The following MAGI2 variants were observed in gnomAD, a reference collection of about 807,000 sequenced individuals.
MAGI2 encodes the protein membrane-associated guanylate kinase, WW and PDZ domain-containing protein 2.
MAGI2 carries 35 observed loss-of-function variants against 133.3 expected under a neutral mutation model. The ratio of observed to expected loss-of-function variants is 0.26; its 90% CI spans 0.20 to 0.35. The LOEUF is 0.35. Among genes scored for constraint, MAGI2 ranks in the 10% least tolerant of loss-of-function variants. The pLI is 1.00. For synonymous variants in MAGI2, 729 were observed against 710.6 expected, an observed-to-expected ratio of 1.03 and a Z score of -0.41; for missense variants, 1,636 against 1,863.4, an observed-to-expected ratio of 0.88 and a Z score of 2.25.
chr7:78,146,171 G>T (rs1413813594), intron 16 of MAGI2, among the ~76,000 whole-genome samples: 3 of 151,536 alleles, frequency 2.0e-5, no homozygotes, highest in Non-Finnish European at 4.4e-5. Context: ...AGTATTTTAG[G>T]TTCTGGGCCT....
intron 4 of MAGI2, among the ~76,000 whole-genome samples, chr7:78,513,883 G>T (rs1482906602): frequency 6.6e-6 from 1 of 152,058 alleles, no homozygotes; most frequent in Non-Finnish European, 1.5e-5. Flanking sequence ...GAGGTCAGGA[G>T]TTGGAGACCA....
intron 6 of MAGI2, among the ~76,000 whole-genome samples, chr7:78,415,982 G>A (rs1031912023): frequency 2.0e-5 from 3 of 152,096 alleles, no homozygotes; most frequent in African/African-American, 7.2e-5. Flanking sequence ...GGTGGAAGTG[G>A]GTGGGGTGAC....
At chr7:78,350,734 T>C (rs1460080114) in intron 7 of MAGI2, among the ~76,000 whole-genome samples, 2 of 152,106 alleles carry the variant, frequency 1.3e-5, no homozygotes, top group African/African-American at 2.4e-5. Context: ...TTTTCTTCAT[T>C]GTGGAGAGGA....
chr7:78,853,751 C>T (rs567093749), intron 2 of MAGI2, among the ~76,000 whole-genome samples: 1 of 151,934 alleles, frequency 6.6e-6, no homozygotes, highest in Non-Finnish European at 1.5e-5. Flanking sequence ...TTACATTAGT[C>T]GTCTGTGCAG....
chr7:78,449,921 C>A (rs1788542725), intron 6 of MAGI2, among the ~76,000 whole-genome samples: 1 of 152,068 alleles, frequency 6.6e-6, no homozygotes, highest in Non-Finnish European at 1.5e-5. Flanking sequence ...TCCCTCATAG[C>A]ATATTTTACA....
At chr7:79,008,293 T>C (rs917189770) in intron 1 of MAGI2, among the ~76,000 whole-genome samples, 13 of 152,130 alleles carry the variant, frequency 8.5e-5, no homozygotes, top group Admixed American at 7.2e-4. Context: ...TGCACTACCA[T>C]GATCACACAA....
At chr7:78,741,379 ACACAC>A (rs1822407218) in intron 2 of MAGI2, among the ~76,000 whole-genome samples, 1 of 1,256 alleles carries the variant, frequency 8.0e-4, no homozygotes, top group South Asian at 0.036. Context: ...AAGTTGAAAC[ACACAC>A]ACACACACAC....
rs1361359818 is a variant in MAGI2 at position 79,324,487 on chromosome 7, TATATATACATATATACAC to T, written c.301+128515_301+128532del. Among the ~76,000 whole-genome samples the T allele has an allele frequency of 7.9e-5, 4 of 50,694 alleles. 2 individuals carry two copies. The highest frequency in any genetic ancestry group is 4.4e-4 in the African/African-American group (4 of 9,074). The allele number at this position is 50,694 out of a possible 152,430, so 33.3% of individuals were successfully genotyped here. On this transcript the variant is annotated intron_variant, in intron 1 of 21. Transcript: ENST00000354212. Reference sequence around the variant, plus strand: ...GATACGTTGTGTGTGTATATATACATATATATACATATATACACATATAACCATATATATACACCATAT... The same window carrying T: ...GATACGTTGTGTGTGTATATATACATATATAACCATATATATACACCATAT...
At chr7:79,260,056 T>C (rs757066431) in intron 1 of MAGI2, among the ~76,000 whole-genome samples, 9 of 152,324 alleles carry the variant, frequency 5.9e-5, no homozygotes, top group Middle Eastern at 6.8e-3. Context: ...TTTCAATTAT[T>C]TGCAAGTGCA....
intron 3 of MAGI2, chr7:78,568,375 C>A (rs1347305278): frequency 6.6e-6 from 1 of 152,206 alleles, no homozygotes; most frequent in Non-Finnish European, 1.5e-5. Flanking sequence ...GGACGTCTCA[C>A]AGTCATCTCA....
At chr7:78,942,632 T>C (rs747199719) in intron 2 of MAGI2, among the ~76,000 whole-genome samples, 5 of 152,130 alleles carry the variant, frequency 3.3e-5, no homozygotes, top group Non-Finnish European at 7.4e-5. Context: ...TTCAACAAGA[T>C]AAATTTTCTA....
intron 3 of MAGI2, among the ~76,000 whole-genome samples, chr7:78,601,512 T>C (rs1805206661): frequency 6.6e-6 from 1 of 152,228 alleles, no homozygotes. Flanking sequence ...AGAATTCCTG[T>C]CTGCCTTACC....
intron 1 of MAGI2, among the ~76,000 whole-genome samples, chr7:79,031,332 A>T (rs761620486): frequency 1.6e-4 from 25 of 152,158 alleles, no homozygotes; most frequent in Admixed American, 6.5e-5. Flanking sequence ...TGTAGGAGAG[A>T]CAAGCCTGAC....
chr7:79,069,687 T>G (rs1046016260), intron 1 of MAGI2, among the ~76,000 whole-genome samples: 5 of 152,226 alleles, frequency 3.3e-5, no homozygotes, highest in African/African-American at 1.2e-4. Context: ...TTGATGCAGT[T>G]TCTTCATAGC....
intron 10 of MAGI2, among the ~76,000 whole-genome samples, chr7:78,218,165 G>A (rs921557401): frequency 1.3e-5 from 2 of 152,232 alleles, no homozygotes; most frequent in African/African-American, 4.8e-5. Flanking sequence ...ACTGAAGGAA[G>A]TTCTCCTGGG....
intron 1 of MAGI2, among the ~76,000 whole-genome samples, chr7:79,137,215 G>A (rs377006550): frequency 2.0e-4 from 30 of 152,208 alleles, no homozygotes; most frequent in African/African-American, 7.0e-4. Flanking sequence ...AGAAAAGAGT[G>A]GGCTCAGTTT....
In MAGI2 at chr7:78,127,320, T is replaced by TTGCCTGTAATCCAGCGGGGGC; in HGVS notation, c.3279_3299dup (p.Leu1096_Pro1102dup). 1 of 1,611,210 alleles carries TTGCCTGTAATCCAGCGGGGGC rather than the reference T, an allele frequency of 6.2e-7. No individual in the cohort carries two copies. The highest frequency in any genetic ancestry group is 8.5e-7 in the Non-Finnish European group (1 of 1,179,286). On this transcript the variant is annotated inframe_insertion, in exon 19 of 22. Coordinates refer to ENST00000354212, the MANE Select transcript of MAGI2 (RefSeq NM_012301.4). ...GCTGCTGGTAGTCCCCTCCTGGGGG[T>TTGCCTGTAATCCAGCGGGGGC]TGCCTGTAATCCAGCGGGGGCTGCC...
chr7:78,519,642 G>C (rs11970992), intron 4 of MAGI2, among the ~76,000 whole-genome samples: 8,469 of 152,212 alleles, frequency 0.056, 429 homozygotes, highest in African/African-American at 0.13. Context: ...GGTATGAATA[G>C]AAGGAAATTT....
At chr7:78,382,005 C>A (rs1035944888) in intron 6 of MAGI2, among the ~76,000 whole-genome samples, 1 of 152,156 alleles carries the variant, frequency 6.6e-6, no homozygotes, top group Non-Finnish European at 1.5e-5. Context: ...TTATTCAATG[C>A]GTCATTATTT....
Sources: allele counts gnomAD v4.1 joint callset (sites outside exome capture counted in the v4.1 genomes callset), GRCh38; gene constraint gnomAD v4.1.1; transcripts MANE v1.5; gene names NCBI Gene and HGNC (gene_info 2026-07-23, HGNC 2026-07-21).